CALN1: variants seen among roughly 807,000 people sequenced by gnomAD.
The protein encoded by CALN1 is calneuron 1, also known as calcium-binding protein 8.
CALN1 carries 17 observed loss-of-function variants against 30.6 expected under a neutral mutation model. That is an observed-to-expected ratio of 0.56 (90% CI 0.38 to 0.83). The LOEUF (loss-of-function observed/expected upper bound fraction) is 0.83. Among genes scored for constraint, CALN1 ranks in the 40% least tolerant of loss-of-function variants. The pLI is 0.00. For missense variants in CALN1, 291 were observed against 354.9 expected, an observed-to-expected ratio of 0.82 and a Z score of 1.45; for synonymous variants, 156 against 131.4, an observed-to-expected ratio of 1.19 and a Z score of -1.28.
chr7:71,870,666 C>A (rs1791870509), intron 5 of CALN1, among the ~76,000 whole-genome samples: 1 of 152,090 alleles, frequency 6.6e-6, no homozygotes, highest in Admixed American at 6.5e-5. Context: ...GAACAACAAG[C>A]TCCATTTGAA....
intron 5 of CALN1, among the ~76,000 whole-genome samples, chr7:71,941,024 C>G (rs529877558): frequency 6.6e-6 from 1 of 152,044 alleles, no homozygotes; most frequent in Non-Finnish European, 1.5e-5. Context: ...AAAAGCCCCC[C>G]AAAATCAGTG....
the CALN1 span, among the ~76,000 whole-genome samples, chr7:72,483,284 T>C: frequency 1.4e-5 from 1 of 73,778 alleles, no homozygotes; most frequent in African/African-American, 5.2e-5. Flanking sequence ...CTTTTTCTTT[T>C]TTTTTTTTTT....
chr7:72,022,186 T>C (rs1417193898), intron 5 of CALN1, among the ~76,000 whole-genome samples: 1 of 152,218 alleles, frequency 6.6e-6, no homozygotes, highest in African/African-American at 2.4e-5. Context: ...TTTCTGACCC[T>C]TCAAGACTGT....
intron 5 of CALN1, among the ~76,000 whole-genome samples, chr7:71,846,971 T>TATATACACATATACACACAC (rs1790300648): frequency 6.8e-6 from 1 of 147,944 alleles, no homozygotes; most frequent in South Asian, 2.1e-4. Context: ...TATACACACA[T>TATATACACATATACACACAC]ATATACACAT....
Position 71,787,787 on chromosome 7 carries a change from G to A in CALN1, c.774C>T (p.Ser258=), listed in dbSNP as rs772412135. ...MLIAANQILR[S]GME ...TGGCGGGAGGCTGCTACTCCATGCC[G>A]CTCCGGAGTATCTGGTTGGCTGCAA... is the stretch of plus-strand genomic sequence containing the variant. Residue 258 remains serine (S), a synonymous_variant, in exon 7 of 7, where the codon AGC becomes AGT. Transcript: ENST00000395275. 6.1e-5 allele frequency: 99 copies of A among 1,613,740 alleles called. No homozygotes were observed. Among genetic ancestry groups the A allele is most frequent in the Admixed American group, 1.5e-4 (9 of 59,996 alleles).
At chr7:71,835,995 G>A (rs1167507274) in intron 5 of CALN1, among the ~76,000 whole-genome samples, 1 of 152,224 alleles carries the variant, frequency 6.6e-6, no homozygotes, top group Admixed American at 6.5e-5. Context: ...GGGCAATGAG[G>A]TGTTAGCAGC....
intron 5 of CALN1, among the ~76,000 whole-genome samples, chr7:71,850,097 A>G (rs1790549395): frequency 6.6e-6 from 1 of 152,216 alleles, no homozygotes; most frequent in African/African-American, 2.4e-5. Context: ...ATTCTTGTGA[A>G]AGGAAAAAGT....
At chr7:71,872,575 T>C (rs1339700930) in intron 5 of CALN1, among the ~76,000 whole-genome samples, 1 of 152,126 alleles carries the variant, frequency 6.6e-6, no homozygotes, top group African/African-American at 2.4e-5. Context: ...CTTTTTCTTA[T>C]GTCTGTCTCT....
chr7:71,870,587 C>T (rs115645805), intron 5 of CALN1, among the ~76,000 whole-genome samples: 3 of 151,732 alleles, frequency 2.0e-5, no homozygotes, highest in Admixed American at 2.0e-4. Context: ...TTGTTTTTTT[C>T]CCTCCTTCCA....
chr7:72,227,884 T>C (rs1044056988), intron 3 of CALN1, among the ~76,000 whole-genome samples: 1 of 150,242 alleles, frequency 6.7e-6, no homozygotes, highest in Admixed American at 6.6e-5. Context: ...CAAGCTACAC[T>C]GTAGACACCA....
chr7:72,328,726 C>T (rs1801454934), intron 2 of CALN1, among the ~76,000 whole-genome samples: 1 of 152,210 alleles, frequency 6.6e-6, no homozygotes, highest in Admixed American at 6.5e-5. Context: ...GACAGAGTCT[C>T]GCTCTGTTGC....
rs1806966361 is a variant in CALN1 at position 72,409,547 on chromosome 7, T to C, written c.-74+2511A>G. Among the ~76,000 whole-genome samples, 3 of 151,878 alleles carry C rather than the reference T, an allele frequency of 2.0e-5. No homozygotes were observed. The South Asian group carries it at 6.2e-4, about 32-fold the overall frequency. On this transcript the variant is annotated intron_variant, in intron 1 of 6. Coordinates refer to ENST00000395275, the MANE Select transcript of CALN1 (RefSeq NM_031468.4). ...AGCGTCTGTGGCCTTCAGCAACCAA[T>C]CTGGTGCATGGGTTACAAGCAGACT...
At chr7:72,137,881 A>C (rs998923092) in intron 3 of CALN1, among the ~76,000 whole-genome samples, 1 of 152,236 alleles carries the variant, frequency 6.6e-6, no homozygotes, top group African/African-American at 2.4e-5. Flanking sequence ...AATATAGCAT[A>C]TCTATTTGAG....
chr7:71,957,646 T>C (rs1027696099), intron 5 of CALN1, among the ~76,000 whole-genome samples: 4 of 152,166 alleles, frequency 2.6e-5, no homozygotes, highest in African/African-American at 9.7e-5. Flanking sequence ...TAGACAGGCA[T>C]GAAGTGAGGT....
At chr7:72,261,197 A>C (rs1366623226) in intron 3 of CALN1, among the ~76,000 whole-genome samples, 1 of 152,042 alleles carries the variant, frequency 6.6e-6, no homozygotes. Flanking sequence ...GATCTCAGCT[A>C]CTCGGGAGGC....
intron 3 of CALN1, among the ~76,000 whole-genome samples, chr7:72,271,061 C>A (rs148012117): frequency 6.6e-6 from 1 of 152,314 alleles, no homozygotes; most frequent in Non-Finnish European, 1.5e-5. Context: ...AAGGATGATT[C>A]CCAGATGACT....
intron 5 of CALN1, among the ~76,000 whole-genome samples, chr7:72,012,830 C>T (rs956716484): frequency 1.3e-5 from 2 of 152,168 alleles, no homozygotes; most frequent in Admixed American, 1.3e-4. Context: ...GAGTCCCCTT[C>T]CGTCACCCAG....
intron 5 of CALN1, among the ~76,000 whole-genome samples, chr7:71,869,965 C>T (rs756655830): frequency 1.7e-4 from 26 of 152,308 alleles, no homozygotes; most frequent in Non-Finnish European, 3.1e-4. Context: ...AAGACACCAA[C>T]CCAGGTGGGC....
At chr7:71,977,788 C>T (rs1456735669) in intron 5 of CALN1, among the ~76,000 whole-genome samples, 6 of 151,804 alleles carry the variant, frequency 4.0e-5, no homozygotes, top group East Asian at 1.9e-4. Flanking sequence ...AAAAATTAAC[C>T]GTGCATGGTG....
Sources: gnomAD v4.1 joint callset for allele counts (sites outside exome capture counted in the v4.1 genomes callset) on GRCh38, gnomAD v4.1.1 for gene constraint, MANE v1.5 for transcripts, NCBI Gene and HGNC (gene_info 2026-07-23, HGNC 2026-07-21) for gene names.